AKAP9: variants seen among roughly 807,000 people sequenced by gnomAD.
AKAP9 encodes the protein A-kinase anchoring protein 9, also known as A-kinase anchor protein 9.
Under a neutral mutation model 488.5 loss-of-function variants are expected in AKAP9, and 311 were observed. The ratio of observed to expected loss-of-function variants is 0.64; its 90% CI spans 0.58 to 0.70. The LOEUF is 0.70. Ranked by LOEUF, AKAP9 falls within the 30% of genes least tolerant of loss-of-function variation. The pLI is 0.00. For synonymous variants in AKAP9, 1,462 were observed against 1,483.5 expected (o/e 0.99, Z 0.33); for missense variants, 4,215 against 4,374.5 (o/e 0.96, Z 1.03).
chr7:92,107,266 T>C (rs1408038406), intron 47 of AKAP9, 27 bp from the exon 48 acceptor site: 22 of 1,612,804 alleles, frequency 1.4e-5, no homozygotes, highest in Non-Finnish European at 1.9e-5. Flanking sequence ...TATTTTTCTT[T>C]ACAAGGAATA....
intron 1 of AKAP9, among the ~76,000 whole-genome samples, chr7:91,941,411 C>G (rs1355501940): frequency 2.0e-5 from 3 of 152,176 alleles, no homozygotes; most frequent in Non-Finnish European, 4.4e-5. Flanking sequence ...AATAAAACTC[C>G]CCTTTTACTG....
At chr7:92,108,750 G>A (rs200214399) in intron 49 of AKAP9, 117 bp downstream of exon 49, 1 of 1,250,708 alleles carries the variant, frequency 8.0e-7, no homozygotes, top group Non-Finnish European at 1.2e-6. Flanking sequence ...TAGTGCATGA[G>A]CTAATTATTA....
intron 8 of AKAP9, among the ~76,000 whole-genome samples, chr7:92,006,595 G>A (rs1184366941): frequency 1.3e-5 from 2 of 152,126 alleles, no homozygotes; most frequent in Non-Finnish European, 2.9e-5. Context: ...TTTATTGATG[G>A]GAAGGGAAGT....
chr7:92,071,705 A>T lies in AKAP9; in HGVS notation c.6612+696A>T, dbSNP rs913210232. Among the ~76,000 whole-genome samples the T allele has an allele frequency of 5.9e-5, 9 of 152,306 alleles. 1 individual carries two copies. The highest frequency in any genetic ancestry group is 9.6e-5 in the African/African-American group (4 of 41,588). ...ATCATTTAAAATGTTTAAAATTTTTAAAATTACATTTTTGTCTCTAATATT... is the reference window on the plus strand; with the variant it reads ...ATCATTTAAAATGTTTAAAATTTTTTAAATTACATTTTTGTCTCTAATATT... On this transcript the variant is annotated intron_variant, in intron 28 of 49. Coordinates refer to ENST00000356239, the MANE Select transcript of AKAP9 (RefSeq NM_005751.5).
At chr7:92,056,674 T>C (rs1808840643) in intron 22 of AKAP9, among the ~76,000 whole-genome samples, 1 of 151,900 alleles carries the variant, frequency 6.6e-6, no homozygotes, top group South Asian at 2.1e-4. Context: ...CATCTCCCTG[T>C]AGATTCTGGC....
intron 18 of AKAP9, 81 bp from the exon 19 acceptor site, chr7:92,041,965 G>C: frequency 6.6e-7 from 1 of 1,505,996 alleles, no homozygotes; most frequent in Non-Finnish European, 9.1e-7. Context: ...GGTCCCGGGG[G>C]TTAAAAGAAA....
chr7:91,954,409 C>T (rs1792677611), intron 1 of AKAP9, among the ~76,000 whole-genome samples: 1 of 152,124 alleles, frequency 6.6e-6, no homozygotes, highest in African/African-American at 2.4e-5. Context: ...CTCAGCCTCC[C>T]AAGTAACTGG....
chr7:92,062,606 A>T (rs1044735398), intron 24 of AKAP9, 120 bp downstream of exon 24: 110 of 804,196 alleles, frequency 1.4e-4, no homozygotes, highest in Non-Finnish European at 2.1e-4. Context: ...AGAGAGATTT[A>T]AAAAATTATA....
At chr7:92,025,698 A>G (rs1802997059) in intron 14 of AKAP9, among the ~76,000 whole-genome samples, 1 of 152,198 alleles carries the variant, frequency 6.6e-6, no homozygotes. Flanking sequence ...TACTGGCTAT[A>G]TGATCTTGGA....
intron 38 of AKAP9, 187 bp from the exon 39 acceptor site, chr7:92,092,910 C>A: frequency 1.8e-6 from 1 of 556,258 alleles, no homozygotes; most frequent in Non-Finnish European, 3.2e-6. Flanking sequence ...CTCAGCCTCC[C>A]AAAGTGCTGG....
intron 13 of AKAP9, 41 bp from the exon 14 acceptor site, chr7:92,022,771 CTT>C: frequency 7.7e-7 from 1 of 1,292,584 alleles, no homozygotes; most frequent in Non-Finnish European, 1.1e-6. Context: ...CACTAAGAAA[CTT>C]ATATTGAAAT....
At chr7:92,007,281 C>CTTTTTTTTT in intron 8 of AKAP9, among the ~76,000 whole-genome samples, 1 of 84,118 alleles carries the variant, frequency 1.2e-5, no homozygotes, top group Non-Finnish European at 2.2e-5. Context: ...AACTGAAATT[C>CTTTTTTTTT]TTTTTTTTTT....
intron 14 of AKAP9, 118 bp downstream of exon 14, chr7:92,023,127 A>AT (rs1383550760): frequency 2.9e-6 from 3 of 1,031,282 alleles, no homozygotes; most frequent in Non-Finnish European, 4.5e-6. Flanking sequence ...AAGAGATAGG[A>AT]TGTAGCATTT....
chr7:92,097,272 G>A lies in AKAP9; in HGVS notation c.10313G>A (p.Gly3438Glu), dbSNP rs758637158. Reference sequence around the variant, plus strand: ...GACCTTGAAGGACAGCGACTACAAGGAATCATGCAGGAATTCCAGAAGCAA... The same window carrying A: ...GACCTTGAAGGACAGCGACTACAAGAAATCATGCAGGAATTCCAGAAGCAA... The part of the protein sequence containing the change: ...KLDLEGQRLQ[G>E]IMQEFQKQEL... The change falls in exon 41 of 50, where the codon GGA (glycine) becomes GAA (glutamate). Residue 3438 changes from glycine to glutamate, a missense_variant. Physicochemically the swap from Gly to Glu is moderately conservative, Grantham distance 98. Transcript: ENST00000356239. 16 of 1,613,932 alleles carry A rather than the reference G, an allele frequency of 9.9e-6. No homozygotes were observed. The South Asian group carries it at 1.8e-4, about 18-fold the overall frequency.
At chr7:92,104,788 A>G (rs570414774) in intron 46 of AKAP9, among the ~76,000 whole-genome samples, 3 of 152,248 alleles carry the variant, frequency 2.0e-5, no homozygotes, top group African/African-American at 4.8e-5. Context: ...ATCACCTTGT[A>G]TAGAGTAAAC....
chr7:91,965,873 C>T (rs776460688), intron 1 of AKAP9, among the ~76,000 whole-genome samples: 1 of 152,050 alleles, frequency 6.6e-6, no homozygotes, highest in Non-Finnish European at 1.5e-5. Flanking sequence ...ATGTTTTAAT[C>T]AGATTATTTG....
At chr7:91,985,176 A>G (rs1427083840) in intron 3 of AKAP9, among the ~76,000 whole-genome samples, 1 of 152,212 alleles carries the variant, frequency 6.6e-6, no homozygotes, top group South Asian at 2.1e-4. Context: ...GACAGAGGGC[A>G]TCCTTGTCTT....
Position 92,037,121 on chromosome 7 carries a change from G to A in AKAP9, c.4339-1298G>A, listed in dbSNP as rs145155098. ...ATGTTGCAGCACTTGAATTTTCTCT[G>A]CATTGGCTACTGGTATTATAATTAT... On this transcript the variant is annotated intron_variant, in intron 16 of 49. Transcript: ENST00000356239. Among the ~76,000 whole-genome samples the A allele has an allele frequency of 2.3e-4, 35 of 152,286 alleles. 1 individual carries two copies. Among genetic ancestry groups the A allele is most frequent in the African/African-American group, 7.9e-4 (33 of 41,558 alleles).
rs758806387 is a variant in AKAP9 at position 92,052,735 on chromosome 7, A to C, written c.5378A>C (p.Glu1793Ala). The C allele has an allele frequency of 6.2e-7, 1 of 1,608,318 alleles. No homozygotes were observed. Among genetic ancestry groups the C allele is most frequent in the South Asian group, 1.1e-5 (1 of 90,918 alleles). The change falls in exon 22 of 50, where the codon GAA (glutamate) becomes GCA (alanine). Residue 1793 changes from glutamate to alanine, a missense_variant. Around this residue, in one of 5 missense-constraint regions of AKAP9, gnomAD observed 2,361 missense variants for 2,430.0 expected, o/e 0.97. Coordinates refer to ENST00000356239, the MANE Select transcript of AKAP9 (RefSeq NM_005751.5). ...VHEEHTRVTD[E>A]SIPSYSGSDM... ...AACACTGTTATTCTAGTTACAGATGAATCCATTCCCTCTTATTCTGGAAGT... is the reference window on the plus strand; with the variant it reads ...AACACTGTTATTCTAGTTACAGATGCATCCATTCCCTCTTATTCTGGAAGT...
Sources: gnomAD v4.1 joint callset for allele counts (sites outside exome capture counted in the v4.1 genomes callset) on GRCh38, gnomAD v4.1.1 for gene constraint, gnomAD v4.1.1 regional missense constraint, MANE v1.5 for transcripts, NCBI Gene and HGNC (gene_info 2026-07-23, HGNC 2026-07-21) for gene names.